WDR75: variants seen among roughly 807,000 people sequenced by gnomAD.
WDR75 encodes the protein WD repeat-containing protein 75.
A neutral mutation model predicts 106.1 loss-of-function variants in WDR75; 52 were observed. That is an observed-to-expected ratio of 0.49 (90% CI 0.39 to 0.62). The LOEUF (loss-of-function observed/expected upper bound fraction) is 0.62, where lower values mean the gene tolerates loss of function less well. WDR75 is among the 20% of genes least tolerant of loss of function. The probability of loss-of-function intolerance (pLI) is 0.00; values close to 1 mark genes in which losing one functional copy is unlikely to be tolerated. For synonymous variants in WDR75, 333 were observed against 335.5 expected (o/e 0.99, Z 0.08); for missense variants, 905 against 970.3 (o/e 0.93, Z 0.89).
In WDR75 at chr2:189,441,481, TAC is replaced by T; in HGVS notation, c.-11_-10del. On this transcript the variant is annotated 5_prime_UTR_variant, in exon 1 of 21. Transcript: ENST00000314761. The stretch of plus-strand genomic sequence containing the variant: ...CGGGACCAGAGATTGGCCATTCCGC[TAC>T]TGCGCAAAGATGGTGGAGGAGGAGA... The T allele has an allele frequency of 6.4e-7, 1 of 1,557,202 alleles. No individual in the cohort carries two copies. Among genetic ancestry groups the T allele is most frequent in the South Asian group, 1.2e-5 (1 of 84,418 alleles).
rs114167306 is a variant in WDR75, at chr2:189,448,282, A to T, written c.87-97A>T. On this transcript the variant is annotated intron_variant, in intron 1 of 20. Transcript: ENST00000314761. ...GCGTATCACTTGAGGCCAGGAGTTC[A>T]AGACCACTGAAACAATGATGAAAAA... 4.9e-3 allele frequency: 6,635 copies of T among 1,358,430 alleles called. 284 individuals are homozygous for T. In the African/African-American group the frequency reaches 0.088, roughly 18 times the overall value. 84.1% of individuals were successfully genotyped at this position (1,358,430 alleles called of 1,614,324 possible).
chr2:189,460,099 T>A (rs1032036711), intron 8 of WDR75, among the ~76,000 whole-genome samples: 1 of 152,230 alleles, frequency 6.6e-6, no homozygotes, highest in Non-Finnish European at 1.5e-5. Context: ...CATCTTGTCT[T>A]TGTTTACTTT....
chr2:189,448,404 T>G lies in WDR75; in HGVS notation c.112T>G (p.Phe38Val). ...SKYIFCVSGD[F>V]VKVYSTVTEE... is the part of the protein sequence containing the mutation. ...GTATATCTTCTGTGTCTCTGGAGAC[T>G]TTGTTAAAGTTTACAGCACAGTTAC... Residue 38 changes from phenylalanine to valine, a missense_variant, in exon 2 of 21, where the codon TTT becomes GTT. Phe to Val is a conservative substitution (Grantham distance 50). Coordinates refer to ENST00000314761, the MANE Select transcript of WDR75 (RefSeq NM_032168.3). 3 of 1,613,680 alleles carry G rather than the reference T, an allele frequency of 1.9e-6. No individual in the cohort carries two copies. The highest frequency in any genetic ancestry group is 2.5e-6 in the Non-Finnish European group (3 of 1,179,776).
chr2:189,467,261 T>C (rs191430182), intron 13 of WDR75, among the ~76,000 whole-genome samples: 2,965 of 152,224 alleles, frequency 0.019, 96 homozygotes, highest in African/African-American at 0.068. Flanking sequence ...TAATAAAAAG[T>C]GAATATGTGC....
In WDR75 at chr2:189,441,514, C is replaced by T; in HGVS notation, c.22C>T (p.Arg8Cys). 5 of 1,566,114 alleles carry T rather than the reference C, an allele frequency of 3.2e-6. No homozygotes were observed. Among genetic ancestry groups the T allele is most frequent in the Non-Finnish European group, 3.5e-6 (4 of 1,154,008 alleles). The stretch of plus-strand genomic sequence containing the variant: ...AAAGATGGTGGAGGAGGAGAACATC[C>T]GCGTGGTTCGTTGTGGCGGCAGCGA... MVEEENI[R>C]VVRCGGSELN... Residue 8 changes from arginine (R) to cysteine (C), a missense_variant, in exon 1 of 21, where the codon CGC (arginine) becomes TGC (cysteine). By Grantham distance (180) the Arg-to-Cys change is radical (BLOSUM62 -3). Coordinates refer to ENST00000314761, the MANE Select transcript of WDR75 (RefSeq NM_032168.3).
At chr2:189,470,915 C>T (rs775769488) in intron 18 of WDR75, 37 bp downstream of exon 18, 1 of 1,484,260 alleles carries the variant, frequency 6.7e-7, no homozygotes, top group Admixed American at 2.2e-5. Context: ...TGTATTGCCT[C>T]CCTAAAAGGA....
At chr2:189,441,661 T>C in intron 1 of WDR75, 83 bp downstream of exon 1, 1 of 1,458,854 alleles carries the variant, frequency 6.9e-7, no homozygotes. Context: ...GTCAGTCGCG[T>C]TCGGACTCGC....
At chr2:189,469,708 A>G (rs184034990) in intron 16 of WDR75, among the ~76,000 whole-genome samples, 27 of 152,222 alleles carry the variant, frequency 1.8e-4, no homozygotes, top group African/African-American at 6.3e-4. Flanking sequence ...CATATTTCCA[A>G]CTGCCCCTGA....
At chr2:189,444,051 A>G (rs1420487142) in intron 1 of WDR75, among the ~76,000 whole-genome samples, 1 of 152,186 alleles carries the variant, frequency 6.6e-6, no homozygotes, top group Non-Finnish European at 1.5e-5. Context: ...AGTAGTAGGT[A>G]GAAATTCAGG....
At chr2:189,449,213 A>G in intron 2 of WDR75, 1 of 1,292,788 alleles carries the variant, frequency 7.7e-7, no homozygotes, top group Non-Finnish European at 1.0e-6. Flanking sequence ...TCTTGCTCTT[A>G]TTTTTAATCC....
At chr2:189,449,174 A>G in intron 2 of WDR75, 1 of 1,132,890 alleles carries the variant, frequency 8.8e-7, no homozygotes, top group Non-Finnish European at 1.2e-6. Context: ...CGGCAAATCT[A>G]CTAAAATTTT....
intron 8 of WDR75, among the ~76,000 whole-genome samples, chr2:189,461,389 G>A (rs1356500680): frequency 6.6e-6 from 1 of 152,136 alleles, no homozygotes; most frequent in Non-Finnish European, 1.5e-5. Flanking sequence ...TATATTTGAG[G>A]AGAATTGATG....
chr2:189,462,041 T>C (rs141198082), intron 8 of WDR75, among the ~76,000 whole-genome samples: 795 of 152,354 alleles, frequency 5.2e-3, no homozygotes, highest in Non-Finnish European at 8.4e-3. Context: ...GCTGTTAAGG[T>C]AATCTCATTC....
chr2:189,442,546 G>A lies in WDR75; in HGVS notation c.86+968G>A, dbSNP rs79491088. 1.9e-3 allele frequency among the ~76,000 whole-genome samples: 271 copies of A among 142,678 alleles called. 1 individual carries two copies. Among genetic ancestry groups the A allele is most frequent in the Middle Eastern group, 0.017 (4 of 236 alleles). The allele number at this position is 142,678 out of a possible 152,430, so 93.6% of individuals were successfully genotyped here. A position where few individuals can be genotyped will look rare whatever the true frequency, so the allele number is the denominator to read the frequency against. On this transcript the variant is annotated intron_variant, in intron 1 of 20. Transcript: ENST00000314761. ...GCTCATTGCAACCTCCGCCTCCCTG[G>A]TTCAAGCAATTCTGGTGCCTCGGCC...
chr2:189,462,329 T>A (rs960867564), intron 8 of WDR75, among the ~76,000 whole-genome samples, 155 bp from the exon 9 acceptor site: 1 of 152,210 alleles, frequency 6.6e-6, no homozygotes, highest in Non-Finnish European at 1.5e-5. Flanking sequence ...ATCATTTGTC[T>A]TCAGAGTATA....
Position 189,448,367 on chromosome 2 carries a change from T to C in WDR75, c.87-12T>C, listed in dbSNP as rs1308521992. ...AGTATGTAAAACTTACTTTTCTTTC[T>C]TTTTTTTCCAGGTATATCTTCTGTG... On this transcript the variant is annotated splice_polypyrimidine_tract_variant and intron_variant, in intron 1 of 20. Coordinates refer to ENST00000314761, the MANE Select transcript of WDR75 (RefSeq NM_032168.3). 2 of 1,602,338 alleles carry C rather than the reference T, an allele frequency of 1.2e-6. No homozygotes were observed. Among genetic ancestry groups the C allele is most frequent in the Non-Finnish European group, 1.7e-6 (2 of 1,174,354 alleles).
chr2:189,448,656 A>G, intron 2 of WDR75, 148 bp downstream of exon 2: 1 of 982,718 alleles, frequency 1.0e-6, no homozygotes, highest in South Asian at 1.5e-5. Flanking sequence ...TTGCTAAATT[A>G]CATTGCCTAT....
chr2:189,463,802 C>T (rs1686947348), intron 10 of WDR75, 44 bp from the exon 11 acceptor site: 3 of 1,612,798 alleles, frequency 1.9e-6, no homozygotes. Context: ...TTAAAGAGTG[C>T]ATATTTCTCT....
chr2:189,453,393 G>A (rs2105556793), intron 4 of WDR75, among the ~76,000 whole-genome samples: 1 of 152,216 alleles, frequency 6.6e-6, no homozygotes, highest in African/African-American at 2.4e-5. Context: ...CTCACTCCAT[G>A]ATTCCTCACT....
Sources: allele counts gnomAD v4.1 joint callset (sites outside exome capture counted in the v4.1 genomes callset), GRCh38; gene constraint gnomAD v4.1.1; transcripts MANE v1.5; gene names NCBI Gene and HGNC (gene_info 2026-07-23, HGNC 2026-07-21).